The following PLA2G4A variants were observed in gnomAD, a reference collection of about 807,000 sequenced individuals.
The protein encoded by PLA2G4A is phospholipase A2 group IVA.
Under a neutral mutation model 81.9 loss-of-function variants are expected in PLA2G4A, and 40 were observed. That is an observed-to-expected ratio of 0.49 (90% confidence interval 0.38 to 0.64). The LOEUF (loss-of-function observed/expected upper bound fraction) is 0.64, where lower values mean the gene tolerates loss of function less well. Ranked by LOEUF, PLA2G4A falls within the 30% of genes least tolerant of loss-of-function variation. PLA2G4A has a pLI of 0.00. For missense variants in PLA2G4A, 715 were observed against 905.1 expected (o/e 0.79, Z 2.69); for synonymous variants, 302 against 296.9 (o/e 1.02, Z -0.18).
At chr1:186,841,581 G>C (rs1012057852) in intron 1 of PLA2G4A, among the ~76,000 whole-genome samples, 1 of 152,010 alleles carries the variant, frequency 6.6e-6, no homozygotes, top group African/African-American at 2.4e-5. Context: ...TTACAAATTT[G>C]TACAATGAAA....
intron 14 of PLA2G4A, among the ~76,000 whole-genome samples, chr1:186,957,342 C>T (rs1256981757): frequency 3.9e-5 from 6 of 152,196 alleles, no homozygotes; most frequent in East Asian, 1.9e-4. Context: ...CTTATAAAAT[C>T]GTTCCAAACC....
chr1:186,896,734 T>C (rs1289751971), intron 5 of PLA2G4A, among the ~76,000 whole-genome samples: 1 of 151,724 alleles, frequency 6.6e-6, no homozygotes, highest in East Asian at 1.9e-4. Flanking sequence ...TATGTAACTA[T>C]TTTTTTTAGT....
intron 3 of PLA2G4A, among the ~76,000 whole-genome samples, chr1:186,887,716 C>G (rs1653985089): frequency 6.6e-6 from 1 of 152,100 alleles, no homozygotes; most frequent in African/African-American, 2.4e-5. Flanking sequence ...CAGGAAAAAA[C>G]AAATTCTACA....
At chr1:186,955,566 G>A (rs534930504) in intron 13 of PLA2G4A, among the ~76,000 whole-genome samples, 1 of 151,994 alleles carries the variant, frequency 6.6e-6, no homozygotes, top group African/African-American at 2.4e-5. Context: ...AGATCAAGTG[G>A]CACTGTCGAG....
At position 186,894,220 on chromosome 1, in the gene PLA2G4A, C is replaced by T. The variant is rs1459612652; in HGVS notation, c.378+9C>T. The stretch of plus-strand genomic sequence containing the variant: ...CTTTTATTTTCAACCAAGTAAGTAA[C>T]ACTGCAGAATTATATTCCAACCTTA... On this transcript the variant is annotated intron_variant, in intron 5 of 17. Coordinates refer to ENST00000367466, the MANE Select transcript of PLA2G4A (RefSeq NM_024420.3). The T allele has an allele frequency of 1.1e-6, 1 of 937,744 alleles. No individual in the cohort carries two copies. Among genetic ancestry groups the T allele is most frequent in the Admixed American group, 1.7e-5 (1 of 58,646 alleles). The allele number at this position is 937,744 out of a possible 1,614,324, so 58.1% of individuals were successfully genotyped here.
At chr1:186,910,315 T>G (rs1654895821) in intron 6 of PLA2G4A, among the ~76,000 whole-genome samples, 1 of 152,296 alleles carries the variant, frequency 6.6e-6, no homozygotes, top group South Asian at 2.1e-4. Flanking sequence ...GACAAATATT[T>G]TATTGGTGAT....
chr1:186,833,106 A>G (rs1651656781), intron 1 of PLA2G4A, among the ~76,000 whole-genome samples: 1 of 152,276 alleles, frequency 6.6e-6, no homozygotes, highest in African/African-American at 2.4e-5. Flanking sequence ...TGGCGTGATG[A>G]CTGTTCAAGT....
At chr1:186,951,882 C>T (rs1656574235) in intron 13 of PLA2G4A, among the ~76,000 whole-genome samples, 1 of 152,074 alleles carries the variant, frequency 6.6e-6, no homozygotes. Flanking sequence ...AAGTTGGGTT[C>T]AGCCCTGATT....
At chr1:186,833,162 T>C (rs921688620) in intron 1 of PLA2G4A, among the ~76,000 whole-genome samples, 29 of 152,160 alleles carry the variant, frequency 1.9e-4, no homozygotes, top group African/African-American at 6.7e-4. Context: ...TCCCAACACT[T>C]TGGCAGGCTT....
intron 15 of PLA2G4A, among the ~76,000 whole-genome samples, chr1:186,970,451 A>T (rs1557897697): frequency 1.3e-5 from 2 of 151,850 alleles, no homozygotes; most frequent in Admixed American, 1.3e-4. Flanking sequence ...TTGCCTGTGC[A>T]TCTGAGGTCT....
intron 7 of PLA2G4A, among the ~76,000 whole-genome samples, chr1:186,932,135 C>T (rs1345981376): frequency 2.0e-5 from 3 of 152,096 alleles, no homozygotes; most frequent in Non-Finnish European, 4.4e-5. Flanking sequence ...TTAAATAAGA[C>T]AATGTCCCTG....
At chr1:186,884,023 G>A (rs2102087792) in intron 3 of PLA2G4A, among the ~76,000 whole-genome samples, 1 of 152,186 alleles carries the variant, frequency 6.6e-6, no homozygotes, top group East Asian at 1.9e-4. Context: ...TTTATAAGTT[G>A]AGAGAAAGTA....
intron 7 of PLA2G4A, among the ~76,000 whole-genome samples, chr1:186,921,819 T>G (rs1182610520): frequency 6.6e-6 from 1 of 152,124 alleles, no homozygotes; most frequent in African/African-American, 2.4e-5. Flanking sequence ...CCTTTGCTAC[T>G]AGTACTGCTG....
intron 15 of PLA2G4A, among the ~76,000 whole-genome samples, chr1:186,971,528 A>G (rs1176727149): frequency 6.6e-6 from 1 of 151,978 alleles, no homozygotes. Flanking sequence ...CACTTAATAT[A>G]AAGTAAATTG....
intron 17 of PLA2G4A, among the ~76,000 whole-genome samples, chr1:186,981,948 G>A (rs946728225): frequency 6.6e-5 from 10 of 152,232 alleles, no homozygotes; most frequent in African/African-American, 1.4e-4. Context: ...AAATAAAATC[G>A]TCCTTGAATA....
At chr1:186,973,740 A>T (rs983690729) in intron 15 of PLA2G4A, among the ~76,000 whole-genome samples, 1 of 152,248 alleles carries the variant, frequency 6.6e-6, no homozygotes, top group African/African-American at 2.4e-5. Flanking sequence ...TGCATTATAA[A>T]GCTCTTGAAG....
intron 14 of PLA2G4A, among the ~76,000 whole-genome samples, chr1:186,960,797 T>C (rs1486540395): frequency 1.3e-5 from 2 of 152,192 alleles, no homozygotes; most frequent in East Asian, 3.8e-4. Flanking sequence ...ATTTGGAGGA[T>C]TGGTTAGCAT....
chr1:186,856,704 A>C (rs550012021), intron 2 of PLA2G4A, among the ~76,000 whole-genome samples: 73 of 152,172 alleles, frequency 4.8e-4, no homozygotes, highest in African/African-American at 1.7e-3. Context: ...AAGGGCTCTG[A>C]TAAGAGACAA....
chr1:186,876,350 C>T (rs993033554), intron 3 of PLA2G4A, among the ~76,000 whole-genome samples: 1 of 152,028 alleles, frequency 6.6e-6, no homozygotes, highest in Non-Finnish European at 1.5e-5. Context: ...AAAGTGAACA[C>T]ATCACCGTGT....
Sources: allele counts gnomAD v4.1 joint callset (sites outside exome capture counted in the v4.1 genomes callset), GRCh38; gene constraint gnomAD v4.1.1; transcripts MANE v1.5; gene names NCBI Gene and HGNC (gene_info 2026-07-23, HGNC 2026-07-21).